Variants in SMYD1 observed in about 807,000 individuals in gnomAD.
SMYD1 encodes histone-lysine N-methyltransferase SMYD1.
Under a neutral mutation model 54.0 loss-of-function variants are expected in SMYD1, and 49 were observed. The ratio of observed to expected loss-of-function variants is 0.91; its 90% CI spans 0.72 to 1.15. The LOEUF (loss-of-function observed/expected upper bound fraction) is 1.15. SMYD1 is among the 50% of genes most tolerant of loss of function. The pLI, the probability that SMYD1 is intolerant of heterozygous loss-of-function variation, is 0.00. For missense variants in SMYD1, 653 were observed against 639.6 expected (o/e 1.02, Z -0.23); for synonymous variants, 269 against 234.2 (o/e 1.15, Z -1.36).
chr2:88,073,504 T>C (rs1673992739), intron 1 of SMYD1, among the ~76,000 whole-genome samples: 1 of 152,258 alleles, frequency 6.6e-6, no homozygotes, highest in African/African-American at 2.4e-5. Flanking sequence ...CTACAAGGGC[T>C]GAACTAATTT....
intron 9 of SMYD1, among the ~76,000 whole-genome samples, chr2:88,110,129 C>T (rs1365653807): frequency 6.6e-6 from 1 of 151,980 alleles, no homozygotes; most frequent in Non-Finnish European, 1.5e-5. Flanking sequence ...TTCAGCTACT[C>T]TCTCAGGGTT....
chr2:88,109,028 A>G (rs1674950063), intron 9 of SMYD1, among the ~76,000 whole-genome samples: 1 of 152,212 alleles, frequency 6.6e-6, no homozygotes. Context: ...AAGCACGTCT[A>G]CCAGGCCCCA....
At chr2:88,085,609 C>T (rs10865488) in intron 2 of SMYD1, among the ~76,000 whole-genome samples, 81,873 of 152,068 alleles carry the variant, frequency 0.54, 23,285 homozygotes, top group East Asian at 0.94. Context: ...CACTACATAT[C>T]CTTCAAGACC....
At chr2:88,068,577 G>T (rs1673881121) in intron 1 of SMYD1, among the ~76,000 whole-genome samples, 1 of 148,994 alleles carries the variant, frequency 6.7e-6, no homozygotes, top group Non-Finnish European at 1.5e-5. Context: ...ACATATATCT[G>T]CACTTAACAA....
chr2:88,088,262 C>T (rs1047615340), intron 3 of SMYD1, among the ~76,000 whole-genome samples, 187 bp downstream of exon 3: 1 of 152,258 alleles, frequency 6.6e-6, no homozygotes, highest in East Asian at 1.9e-4. Flanking sequence ...CTGGAGAAAC[C>T]GCCTTCTATT....
At chr2:88,088,843 G>C (rs975219133) in intron 3 of SMYD1, among the ~76,000 whole-genome samples, 1 of 152,126 alleles carries the variant, frequency 6.6e-6, no homozygotes, top group Admixed American at 6.5e-5. Flanking sequence ...CAAGCCAGAC[G>C]AGGCCATAAG....
At chr2:88,087,746 T>C in intron 2 of SMYD1, 116 bp from the exon 3 acceptor site, 1 of 902,822 alleles carries the variant, frequency 1.1e-6, no homozygotes, top group Non-Finnish European at 1.7e-6. Flanking sequence ...ATCCATCTAG[T>C]TTAAAAACGT....
At chr2:88,078,974 CAG>C (rs1674128519) in intron 1 of SMYD1, among the ~76,000 whole-genome samples, 1 of 152,264 alleles carries the variant, frequency 6.6e-6, no homozygotes, top group Admixed American at 6.5e-5. Flanking sequence ...GGATATAAAA[CAG>C]ATCTGTGATC....
Position 88,103,140 on chromosome 2 carries a change from T to C in SMYD1, c.971T>C (p.Leu324Ser), listed in dbSNP as rs985289525. The change falls in exon 7 of 10, where the codon TTG becomes TCG. Residue 324 changes from leucine (L) to serine (S), a missense_variant. Leu to Ser is a moderately radical substitution (Grantham distance 145). Coordinates refer to ENST00000419482, the MANE Select transcript of SMYD1 (RefSeq NM_198274.4). ...EKIDKARSEG[L>S]YHEVVKLCRE... ...ATAGACAAGGCTCGTTCCGAGGGTT[T>C]GTATCATGAGGTAAGAATTCACTTG... 6.2e-6 allele frequency: 10 copies of C among 1,613,532 alleles called. No individual in the cohort carries two copies. The highest frequency in any genetic ancestry group is 6.8e-6 in the Non-Finnish European group (8 of 1,179,780).
intron 1 of SMYD1, among the ~76,000 whole-genome samples, chr2:88,082,005 T>G (rs929666208): frequency 6.6e-6 from 1 of 152,134 alleles, no homozygotes; most frequent in Non-Finnish European, 1.5e-5. Context: ...AATCCTGACT[T>G]GAGGCAGATG....
chr2:88,084,640 C>T (rs914682138), intron 2 of SMYD1, 148 bp downstream of exon 2: 1 of 703,750 alleles, frequency 1.4e-6, no homozygotes, highest in Non-Finnish European at 2.3e-6. Flanking sequence ...CTTCTCTTCA[C>T]TCCCTTAAGG....
In SMYD1 at chr2:88,084,623, A is replaced by C. The variant is rs1558850234; in HGVS notation, c.314+131A>C. The C allele has an allele frequency of 4.9e-6, 4 of 814,812 alleles. No homozygotes were observed. The East Asian group carries it at 8.1e-5, about 17-fold the overall frequency. The allele number at this position is 814,812 out of a possible 1,614,324, so 50.5% of individuals were successfully genotyped here. A position where few individuals can be genotyped will look rare whatever the true frequency, so the allele number is the denominator to read the frequency against. On this transcript the variant is annotated intron_variant, in intron 2 of 9. Coordinates refer to ENST00000419482, the MANE Select transcript of SMYD1 (RefSeq NM_198274.4). ...CAGGAAACAGCCTCAAAGACTGGATATGGTCACTTCTCTTCACTCCCTTAA... is the reference window on the plus strand; with the variant it reads ...CAGGAAACAGCCTCAAAGACTGGATCTGGTCACTTCTCTTCACTCCCTTAA...
intron 4 of SMYD1, among the ~76,000 whole-genome samples, 177 bp from the exon 5 acceptor site, chr2:88,093,340 C>G (rs1235146040): frequency 6.6e-6 from 1 of 152,178 alleles, no homozygotes; most frequent in Non-Finnish European, 1.5e-5. Flanking sequence ...AGTGCACTTT[C>G]CCTATACTAG....
intron 1 of SMYD1, among the ~76,000 whole-genome samples, chr2:88,069,499 A>G (rs1035725414): frequency 6.6e-6 from 1 of 152,188 alleles, no homozygotes; most frequent in African/African-American, 2.4e-5. Context: ...ATTCAGAGTG[A>G]AAACAACCCA....
Position 88,112,233 on chromosome 2 carries a change from CA to C in SMYD1, c.*1724del. The stretch of plus-strand genomic sequence containing the variant: ...TTACCTTCATATAAAATGTCTCCCC[CA>C]AACCTTTTTCCCTTCTTTGTCATTG... On this transcript the variant is annotated 3_prime_UTR_variant, in exon 10 of 10. Transcript: ENST00000419482. 1.5e-6 allele frequency: 1 copy of C among 687,864 alleles called. No individual in the cohort carries two copies. The highest frequency in any genetic ancestry group is 2.7e-5 in the East Asian group (1 of 36,940). The allele number at this position is 687,864 out of a possible 1,614,324, so 42.6% of individuals were successfully genotyped here. A position where few individuals can be genotyped will look rare whatever the true frequency, so the allele number is the denominator to read the frequency against.
rs985490962 is a variant in SMYD1 at position 88,096,707 on chromosome 2, T to C, written c.811T>C (p.Tyr271His). 1.9e-6 allele frequency: 3 copies of C among 1,614,236 alleles called. No homozygotes were observed. In the Admixed American group the frequency reaches 5.0e-5, roughly 27 times the overall value. ...CAAGAGGCAGCTGAAGAAGCAGTAC[T>C]ACTTTGACTGCACATGTGAACACTG... ...ERKRQLKKQY[Y>H]FDCTCEHCQK... The change falls in exon 6 of 10, where the codon TAC becomes CAC. Residue 271 changes from tyrosine to histidine, a missense_variant. Tyr to His is a moderately conservative substitution (Grantham distance 83, BLOSUM62 2). Transcript: ENST00000419482.
intron 1 of SMYD1, among the ~76,000 whole-genome samples, chr2:88,071,664 A>G (rs1276912960): frequency 6.6e-6 from 1 of 152,172 alleles, no homozygotes; most frequent in Admixed American, 6.5e-5. Context: ...TTTAAAAATG[A>G]AGTCTATTTG....
intron 3 of SMYD1, 25 bp from the exon 4 acceptor site, chr2:88,090,987 C>T (rs1324391689): frequency 1.2e-6 from 2 of 1,604,248 alleles, no homozygotes; most frequent in Non-Finnish European, 1.7e-6. Context: ...TGTCGACTGA[C>T]TCTTTCATCT....
chr2:88,102,961 C>A, intron 6 of SMYD1, 97 bp from the exon 7 acceptor site: 2 of 902,470 alleles, frequency 2.2e-6, no homozygotes, highest in Non-Finnish European at 1.8e-6. Context: ...AGACATTAAC[C>A]TTGTGCTACA....
Sources: gnomAD v4.1 joint callset for allele counts (sites outside exome capture counted in the v4.1 genomes callset) on GRCh38, gnomAD v4.1.1 for gene constraint, MANE v1.5 for transcripts, NCBI Gene and HGNC (gene_info 2026-07-23, HGNC 2026-07-21) for gene names.